The following PCDHGA6 variants were observed in gnomAD, a reference collection of about 807,000 sequenced individuals.
PCDHGA6 encodes protocadherin gamma-A6.
In PCDHGA6, 41 loss-of-function variants were observed where a neutral mutation model predicts 60.6. The observed-to-expected ratio is 0.68, with a 90% CI of 0.53 to 0.88. PCDHGA6 has a LOEUF of 0.88. PCDHGA6 is among the 40% of genes least tolerant of loss of function. The pLI is 0.00. For synonymous variants in PCDHGA6, 594 were observed against 524.4 expected (o/e 1.13, Z -1.81); for missense variants, 1,312 against 1,203.0 (o/e 1.09, Z -1.34).
intron 1 of PCDHGA6, among the ~76,000 whole-genome samples, chr5:141,483,547 G>A (rs1202182188): frequency 6.6e-6 from 1 of 152,140 alleles, no homozygotes. Context: ...GGTTGACAGT[G>A]CCATTCACAG....
In PCDHGA6 at chr5:141,426,319, C is replaced by A. The variant is rs572457971; in HGVS notation, c.2424+49812C>A. On this transcript the variant is annotated intron_variant, in intron 1 of 3. Coordinates refer to ENST00000517434, the MANE Select transcript of PCDHGA6 (RefSeq NM_018919.3). ...CAGGGTGAAGCAGAGAAGCAGGACC[C>A]GGCAGTGGCAAGCACTCTTCCCTTT... 9 of 175,482 alleles carry A rather than the reference C, an allele frequency of 5.1e-5. No homozygotes were observed. In the East Asian group the frequency reaches 6.8e-4, roughly 13 times the overall value. The allele number at this position is 175,482 out of a possible 1,614,324, so 10.9% of individuals were successfully genotyped here.
At chr5:141,507,932 G>C (rs2099865030) in intron 3 of PCDHGA6, 1 of 152,338 alleles carries the variant, frequency 6.6e-6, no homozygotes, top group Admixed American at 6.5e-5. Context: ...TGCTGAGAGG[G>C]GTTAAGTAAG....
Position 141,431,994 on chromosome 5 carries a change from G to A in PCDHGA6, c.2424+55487G>A, listed in dbSNP as rs2097434865. ...TTAGTCACAGACATAGTCTTGGATA[G>A]GGAACAGGTTCCTAGCTACAACATC... On this transcript the variant is annotated intron_variant, in intron 1 of 3. Coordinates refer to ENST00000517434, the MANE Select transcript of PCDHGA6 (RefSeq NM_018919.3). The surrounding 1 kb of genome is among the most constrained non-coding windows in gnomAD (Gnocchi z 4.8). 6.2e-7 allele frequency: 1 copy of A among 1,614,188 alleles called. No homozygotes were observed. Among genetic ancestry groups the A allele is most frequent in the Non-Finnish European group, 8.5e-7 (1 of 1,180,038 alleles).
chr5:141,436,735 T>G (rs2097843412), intron 1 of PCDHGA6, among the ~76,000 whole-genome samples: 1 of 152,220 alleles, frequency 6.6e-6, no homozygotes, highest in Non-Finnish European at 1.5e-5. Context: ...AATAATGATT[T>G]TTGTGTGCTT....
At chr5:141,381,099 T>C (rs1284355665) in intron 1 of PCDHGA6, among the ~76,000 whole-genome samples, 1 of 152,230 alleles carries the variant, frequency 6.6e-6, no homozygotes, top group East Asian at 1.9e-4. Flanking sequence ...AAACAGAATG[T>C]CCTTCAAAGT....
At chr5:141,413,023 A>T in intron 1 of PCDHGA6, 1 of 729,646 alleles carries the variant, frequency 1.4e-6, no homozygotes, top group Non-Finnish European at 2.1e-6. Context: ...CACAAGCCCC[A>T]CAAACCGGCT....
chr5:141,388,742 G>A (rs1340234849), intron 1 of PCDHGA6: 12 of 1,614,004 alleles, frequency 7.4e-6, no homozygotes, highest in Non-Finnish European at 1.0e-5. Flanking sequence ...AAGCTAGCCA[G>A]ATCACCCAAT....
At chr5:141,403,306 A>C in intron 1 of PCDHGA6, 1 of 1,613,908 alleles carries the variant, frequency 6.2e-7, no homozygotes, top group Non-Finnish European at 8.5e-7. Context: ...AACTGTACGG[A>C]ATAGAAATAG....
intron 1 of PCDHGA6, among the ~76,000 whole-genome samples, chr5:141,461,314 T>A (rs1453512629): frequency 6.6e-6 from 1 of 152,198 alleles, no homozygotes; most frequent in Non-Finnish European, 1.5e-5. Context: ...TTTTTTGACT[T>A]TTTAATAATG....
intron 1 of PCDHGA6, chr5:141,399,557 T>TG: frequency 1.2e-6 from 2 of 1,613,968 alleles, no homozygotes; most frequent in Non-Finnish European, 1.7e-6. Context: ...GACCTGGACT[T>TG]GGGGTTGAAC....
At chr5:141,454,721 A>G (rs2098797156) in intron 1 of PCDHGA6, among the ~76,000 whole-genome samples, 1 of 146,810 alleles carries the variant, frequency 6.8e-6, no homozygotes, top group South Asian at 2.2e-4. Flanking sequence ...ATTCCATATT[A>G]TATGTTATAG....
chr5:141,474,986 A>G (rs1328341214), intron 1 of PCDHGA6, among the ~76,000 whole-genome samples: 1 of 152,238 alleles, frequency 6.6e-6, no homozygotes, highest in Non-Finnish European at 1.5e-5. Context: ...GTTTGGTGAC[A>G]ACAATTCTAA....
In PCDHGA6 at chr5:141,511,358, G is replaced by GT; in HGVS notation, c.*187dup. 1 of 1,355,398 alleles carries GT rather than the reference G, an allele frequency of 7.4e-7. No homozygotes were observed. Among genetic ancestry groups the GT allele is most frequent in the South Asian group, 1.5e-5 (1 of 66,198 alleles). 84.0% of individuals were successfully genotyped at this position (1,355,398 alleles called of 1,614,324 possible). On this transcript the variant is annotated 3_prime_UTR_variant, in exon 4 of 4. Transcript: ENST00000517434. ...GCACCTACCCCTTCCCCCCCAGGGG[G>GT]TTGAATATGCAAAAGCAGTTCCGCT...
At chr5:141,471,252 T>C (rs1003162914) in intron 1 of PCDHGA6, 1 of 151,872 alleles carries the variant, frequency 6.6e-6, no homozygotes, top group Non-Finnish European at 1.5e-5. Flanking sequence ...GGTTTCACCA[T>C]GTTGGCAAGG....
intron 1 of PCDHGA6, chr5:141,394,121 T>G: frequency 6.2e-7 from 1 of 1,613,920 alleles, no homozygotes; most frequent in Non-Finnish European, 8.5e-7. Flanking sequence ...CCACTGAAAC[T>G]CAAATCGCTC....
At position 141,486,315 on chromosome 5, in the gene PCDHGA6, C is replaced by T. The variant is rs1432435944; in HGVS notation, c.2425-8492C>T. The T allele has an allele frequency of 6.2e-7, 1 of 1,614,066 alleles. No individual in the cohort carries two copies. Among genetic ancestry groups the T allele is most frequent in the East Asian group, 2.2e-5 (1 of 44,862 alleles). ...AGTGTGCAGGATCCAGACTCAGGGT[C>T]AAACGGAGATGTGAGCCTCCGCATT... On this transcript the variant is annotated intron_variant, in intron 1 of 3. Transcript: ENST00000517434. The surrounding 1 kb of genome is among the most constrained non-coding windows in gnomAD (Gnocchi z 5.0).
chr5:141,376,868 T>G, intron 1 of PCDHGA6: 1 of 220,664 alleles, frequency 4.5e-6, no homozygotes, highest in East Asian at 1.2e-4. Flanking sequence ...TTTGTATTTT[T>G]AGTAGAGACG....
intron 1 of PCDHGA6, chr5:141,415,589 T>C: frequency 1.2e-6 from 2 of 1,614,062 alleles, no homozygotes; most frequent in Non-Finnish European, 1.7e-6. Flanking sequence ...AAGTTTCCTA[T>C]AGAGGATACC....
intron 1 of PCDHGA6, among the ~76,000 whole-genome samples, chr5:141,455,783 T>G (rs1475277198): frequency 1.3e-5 from 2 of 152,066 alleles, no homozygotes; most frequent in Non-Finnish European, 2.9e-5. Context: ...AAAAGAAACT[T>G]TTCCGGAGAT....
Sources: gnomAD v4.1 joint callset for allele counts (sites outside exome capture counted in the v4.1 genomes callset) on GRCh38, gnomAD v4.1.1 for gene constraint, Gnocchi (gnomAD v3.1) non-coding constraint, MANE v1.5 for transcripts, NCBI Gene and HGNC (gene_info 2026-07-23, HGNC 2026-07-21) for gene names.